The following FUT8 variants were observed in gnomAD, a reference collection of about 807,000 sequenced individuals.
The protein encoded by FUT8 is alpha-(1,6)-fucosyltransferase.
FUT8 carries 29 observed loss-of-function variants against 71.3 expected under a neutral mutation model. The ratio of observed to expected loss-of-function variants is 0.41; its 90% CI spans 0.30 to 0.55. The LOEUF (loss-of-function observed/expected upper bound fraction) is 0.55. Ranked by LOEUF, FUT8 falls within the 20% of genes least tolerant of loss-of-function variation. The pLI is 0.34. For synonymous variants in FUT8, 254 were observed against 239.3 expected, an observed-to-expected ratio of 1.06 and a Z score of -0.57; for missense variants, 544 against 702.1, an observed-to-expected ratio of 0.77 and a Z score of 2.55.
chr14:65,640,278 C>A (rs948140945), intron 6 of FUT8, among the ~76,000 whole-genome samples: 1 of 151,946 alleles, frequency 6.6e-6, no homozygotes, highest in Non-Finnish European at 1.5e-5. Flanking sequence ...ATGCTACAGT[C>A]ATCTCAAGTG....
At chr14:65,423,401 A>G (rs991429682) in intron 1 of FUT8, among the ~76,000 whole-genome samples, 1 of 151,720 alleles carries the variant, frequency 6.6e-6, no homozygotes, top group Non-Finnish European at 1.5e-5. Flanking sequence ...AGCTGGGACT[A>G]CAGGCACCCA....
At chr14:65,624,795 G>A (rs1044110160) in intron 5 of FUT8, among the ~76,000 whole-genome samples, 6 of 152,266 alleles carry the variant, frequency 3.9e-5, no homozygotes, top group Middle Eastern at 3.4e-3. Flanking sequence ...TGAGACTTGC[G>A]CCTGCGCAGT....
intron 3 of FUT8, among the ~76,000 whole-genome samples, chr14:65,591,814 G>A (rs554934919): frequency 6.7e-6 from 1 of 149,168 alleles, no homozygotes; most frequent in African/African-American, 2.5e-5. Context: ...CAAGAGAAAT[G>A]TGCACTATTG....
the FUT8 span, among the ~76,000 whole-genome samples, chr14:65,399,394 C>T: frequency 6.6e-6 from 1 of 152,180 alleles, no homozygotes; most frequent in Non-Finnish European, 1.5e-5. Flanking sequence ...GAGAATTTTG[C>T]CATGTTGGTG....
At chr14:65,588,584 G>T (rs1317933849) in intron 3 of FUT8, among the ~76,000 whole-genome samples, 2 of 152,112 alleles carry the variant, frequency 1.3e-5, no homozygotes, top group East Asian at 1.9e-4. Context: ...ACAAGTACTT[G>T]GCAATTTTTT....
chr14:65,731,748 G>C (rs559825394), intron 9 of FUT8, among the ~76,000 whole-genome samples: 1 of 152,234 alleles, frequency 6.6e-6, no homozygotes, highest in Non-Finnish European at 1.5e-5. Flanking sequence ...GCCTGCCTCA[G>C]CCTCCCAAAG....
At chr14:65,462,933 A>C (rs942293442) in intron 2 of FUT8, among the ~76,000 whole-genome samples, 8 of 152,218 alleles carry the variant, frequency 5.3e-5, no homozygotes, top group African/African-American at 1.9e-4. Flanking sequence ...GGGAGATAGG[A>C]TTGTCTCACC....
intron 2 of FUT8, among the ~76,000 whole-genome samples, chr14:65,522,393 G>A (rs1594732286): frequency 6.6e-6 from 1 of 151,900 alleles, no homozygotes; most frequent in East Asian, 1.9e-4. Flanking sequence ...AAGAGAATAG[G>A]AGTTTGAAAT....
intron 2 of FUT8, among the ~76,000 whole-genome samples, chr14:65,539,383 A>C (rs181792109): frequency 4.1e-4 from 63 of 152,330 alleles, no homozygotes; most frequent in Non-Finnish European, 7.2e-4. Flanking sequence ...TTCATCATTA[A>C]ATAAATCTTT....
chr14:65,644,178 G>A (rs1891004274), intron 6 of FUT8, among the ~76,000 whole-genome samples: 1 of 152,174 alleles, frequency 6.6e-6, no homozygotes, highest in South Asian at 2.1e-4. Context: ...AGCAGAGGCA[G>A]ATTCAGGTTT....
intron 1 of FUT8, among the ~76,000 whole-genome samples, chr14:65,428,994 T>G (rs1430187285): frequency 6.6e-6 from 1 of 152,174 alleles, no homozygotes; most frequent in Non-Finnish European, 1.5e-5. Context: ...ACAGGTAACA[T>G]TCAGGTTATA....
At chr14:65,393,175 AGGT>A in the FUT8 span, among the ~76,000 whole-genome samples, 22 of 152,224 alleles carry the variant, frequency 1.4e-4, no homozygotes, top group Admixed American at 4.6e-4. Context: ...GTGGAAGAAC[AGGT>A]GTAAGTGAAC....
chr14:65,531,791 G>C (rs1566806679), intron 2 of FUT8, among the ~76,000 whole-genome samples: 1 of 151,928 alleles, frequency 6.6e-6, no homozygotes, highest in Non-Finnish European at 1.5e-5. Context: ...CCTCTGGTAG[G>C]CTCCATTGTC....
rs533645127 is a variant in FUT8, at chr14:65,645,638, T to C, written c.597+16032T>C. On this transcript the variant is annotated intron_variant, in intron 6 of 10. Coordinates refer to ENST00000673929, the MANE Select transcript of FUT8 (RefSeq NM_001371533.1). ...TTCAGATAATTTTATTTTATGTGATTCTCATCAGAAAAGGAAAAAATGGTT... is the reference window on the plus strand; with the variant it reads ...TTCAGATAATTTTATTTTATGTGATCCTCATCAGAAAAGGAAAAAATGGTT... 1.4e-3 allele frequency among the ~76,000 whole-genome samples: 212 copies of C among 152,368 alleles called. 1 individual carries two copies. Among genetic ancestry groups the C allele is most frequent in the Non-Finnish European group, 2.6e-3 (175 of 68,034 alleles).
At chr14:65,614,598 G>GTTCGTTTGCCTT in intron 3 of FUT8, among the ~76,000 whole-genome samples, 2 of 152,252 alleles carry the variant, frequency 1.3e-5, no homozygotes, top group Admixed American at 1.3e-4. Context: ...TTGTTTGTTC[G>GTTCGTTTGCCTT]TTCGTTTGCC....
chr14:65,640,620 A>G (rs772763446), intron 6 of FUT8, among the ~76,000 whole-genome samples: 5 of 152,116 alleles, frequency 3.3e-5, no homozygotes, highest in African/African-American at 7.2e-5. Flanking sequence ...GTTCTCTAAC[A>G]TAATACTTCA....
chr14:65,616,021 G>T lies in FUT8; in HGVS notation c.247G>T (p.Val83Leu), dbSNP rs1296596238. The stretch of plus-strand genomic sequence containing the variant: ...TGATCAGGGGCCAGCTATAGGAAGA[G>T]TACGCGTTTTAGAAGAGCAGCTTGT... Reference protein sequence around the residue: ...PIDQGPAIGRVRVLEEQLVKA... With the variant: ...PIDQGPAIGRLRVLEEQLVKA... Residue 83 changes from valine (V) to leucine (L), a missense_variant, in exon 4 of 11, where the codon GTA becomes TTA. Transcript: ENST00000673929. 6.2e-7 allele frequency: 1 copy of T among 1,614,024 alleles called. No homozygotes were observed.
intron 1 of FUT8, among the ~76,000 whole-genome samples, chr14:65,431,374 A>G (rs976575903): frequency 2.1e-5 from 3 of 142,840 alleles, no homozygotes; most frequent in African/African-American, 5.3e-5. Context: ...GAGTGGCGCA[A>G]TCCCAGCTCA....
At chr14:65,469,905 G>A (rs1251105348) in intron 2 of FUT8, among the ~76,000 whole-genome samples, 1 of 152,210 alleles carries the variant, frequency 6.6e-6, no homozygotes, top group Non-Finnish European at 1.5e-5. Context: ...GGCACCACAA[G>A]CCCCCACTGC....
Sources: allele counts gnomAD v4.1 joint callset (sites outside exome capture counted in the v4.1 genomes callset), GRCh38; gene constraint gnomAD v4.1.1; transcripts MANE v1.5; gene names NCBI Gene and HGNC (gene_info 2026-07-23, HGNC 2026-07-21).